The following ZNF610 variants were observed in gnomAD, a reference collection of about 807,000 sequenced individuals.
The protein encoded by ZNF610 is zink finger protein.
A neutral mutation model predicts 14.1 loss-of-function variants in ZNF610; 14 were observed. That is an observed-to-expected ratio of 0.99 (90% CI 0.65 to 1.55). ZNF610 has a LOEUF of 1.55. Ranked by LOEUF, ZNF610 falls within the 40% of genes most tolerant of loss-of-function variation. ZNF610 has a pLI of 0.00. For missense variants in ZNF610, 530 were observed against 558.0 expected (o/e 0.95, Z 0.51); for synonymous variants, 185 against 187.6 (o/e 0.99, Z 0.11).
upstream of ZNF610, among the ~76,000 whole-genome samples, chr19:52,334,959 A>ACACACACACACACACACACACACACAC (rs60779202): frequency 1.1e-4 from 16 of 146,728 alleles, no homozygotes; most frequent in South Asian, 4.3e-4. Context: ...ACACACACAC[A>ACACACACACACACACACACACACACAC]ATGTAATTTA....
chr19:52,352,516 GT>G (rs1216341701), intron 3 of ZNF610, among the ~76,000 whole-genome samples: 1 of 152,194 alleles, frequency 6.6e-6, no homozygotes, highest in Non-Finnish European at 1.5e-5. Flanking sequence ...GTGATTACAT[GT>G]GTGAGTCACC....
In ZNF610 at chr19:52,340,415, C is replaced by T. The variant is rs147717419; in HGVS notation, c.-258+3909C>T. On this transcript the variant is annotated intron_variant, in intron 1 of 5. Transcript: ENST00000403906. Reference sequence around the variant, plus strand: ...GGAAAACACACATTTTGGTGATGGGCGGCATAGTATTCTGTGCTGAATTTG... The same window carrying T: ...GGAAAACACACATTTTGGTGATGGGTGGCATAGTATTCTGTGCTGAATTTG... 1.5e-3 allele frequency among the ~76,000 whole-genome samples: 230 copies of T among 152,128 alleles called. 7 individuals are homozygous for T. The East Asian group carries it at 0.03, about 20-fold the overall frequency.
Position 52,361,574 on chromosome 19 carries a change from G to GTTTA in ZNF610, c.320-4122_320-4119dup, listed in dbSNP as rs202039035. 3.0e-3 allele frequency among the ~76,000 whole-genome samples: 449 copies of GTTTA among 151,520 alleles called. 11 individuals are homozygous for GTTTA. The East Asian group carries it at 0.073, about 24-fold the overall frequency. On this transcript the variant is annotated intron_variant, in intron 5 of 5. Coordinates refer to ENST00000403906, the MANE Select transcript of ZNF610 (RefSeq NM_001161425.2). ...GCTTACGCTTCATTTTTGTTTTGTTGTTTATCTAGCTAAGGGTTTGTCAAT... is the reference window on the plus strand; with the variant it reads ...GCTTACGCTTCATTTTTGTTTTGTTGTTTATTTATCTAGCTAAGGGTTTGTCAAT...
intron 3 of ZNF610, among the ~76,000 whole-genome samples, chr19:52,352,228 A>G (rs930569816): frequency 1.3e-5 from 2 of 151,250 alleles, no homozygotes; most frequent in African/African-American, 2.4e-5. Flanking sequence ...GAAGAAGGAA[A>G]CTTGTTTTCT....
chr19:52,361,005 A>C (rs186741213), intron 5 of ZNF610, among the ~76,000 whole-genome samples: 1 of 152,272 alleles, frequency 6.6e-6, no homozygotes, highest in African/African-American at 2.4e-5. Context: ...AGCGTTTTAC[A>C]GTGAAGTCAT....
chr19:52,342,180 T>C (rs1320539668), intron 1 of ZNF610, among the ~76,000 whole-genome samples: 1 of 152,186 alleles, frequency 6.6e-6, no homozygotes, highest in Non-Finnish European at 1.5e-5. Flanking sequence ...TGAGCTGAAG[T>C]GATTTTCCCA....
At chr19:52,362,226 C>G (rs1468308963) in intron 5 of ZNF610, among the ~76,000 whole-genome samples, 1 of 152,248 alleles carries the variant, frequency 6.6e-6, no homozygotes, top group Non-Finnish European at 1.5e-5. Flanking sequence ...GTCTGACCAA[C>G]ATGGTAAAAC....
chr19:52,355,584 C>T (rs1161416237), intron 5 of ZNF610, among the ~76,000 whole-genome samples: 7 of 152,238 alleles, frequency 4.6e-5, no homozygotes, highest in Non-Finnish European at 7.3e-5. Flanking sequence ...TCAGATCCCA[C>T]AGGCTAAGGG....
intron 3 of ZNF610, among the ~76,000 whole-genome samples, chr19:52,350,571 C>T (rs1985201821): frequency 6.6e-6 from 1 of 152,098 alleles, no homozygotes; most frequent in Non-Finnish European, 1.5e-5. Context: ...CCAGCTACCA[C>T]AGAGGCTGAG....
rs890842 is a variant in ZNF610 at position 52,337,709 on chromosome 19, C to G, written c.-258+1203C>G. ...CGATGAGTTGATGGACTATTATGATCAAATTGTGATATACTGATTTCTCTA... is the reference window on the plus strand; with the variant it reads ...CGATGAGTTGATGGACTATTATGATGAAATTGTGATATACTGATTTCTCTA... On this transcript the variant is annotated intron_variant, in intron 1 of 5. Transcript: ENST00000403906. 7.0e-4 allele frequency among the ~76,000 whole-genome samples: 106 copies of G among 152,150 alleles called. 3 individuals are homozygous for G. Among genetic ancestry groups the G allele is most frequent in the Admixed American group, 4.3e-3 (65 of 15,284 alleles).
At chr19:52,351,490 C>T (rs1035969995) in intron 3 of ZNF610, among the ~76,000 whole-genome samples, 5 of 150,642 alleles carry the variant, frequency 3.3e-5, no homozygotes, top group Admixed American at 6.6e-5. Context: ...AGTCACCTCT[C>T]TTTTTTTTTG....
chr19:52,353,146 G>A (rs1985341272), intron 3 of ZNF610, among the ~76,000 whole-genome samples: 1 of 152,086 alleles, frequency 6.6e-6, no homozygotes. Flanking sequence ...CACCATGTTG[G>A]CCAGGCTCGT....
intron 3 of ZNF610, among the ~76,000 whole-genome samples, chr19:52,350,773 G>A (rs1452136353): frequency 1.3e-5 from 2 of 152,186 alleles, no homozygotes; most frequent in African/African-American, 2.4e-5. Flanking sequence ...GGCCAAGGTG[G>A]GTGGATCACC....
chr19:52,359,464 G>A (rs2657938), intron 5 of ZNF610, among the ~76,000 whole-genome samples: 26,445 of 151,932 alleles, frequency 0.17, 2,710 homozygotes, highest in East Asian at 0.32. Context: ...CCATGGATAC[G>A]TAGGGCAGAC....
intron 5 of ZNF610, among the ~76,000 whole-genome samples, chr19:52,364,800 A>C (rs1373134689): frequency 6.6e-6 from 1 of 151,908 alleles, no homozygotes; most frequent in Non-Finnish European, 1.5e-5. Context: ...CTGGTCTTGA[A>C]CTTCTGACCT....
chr19:52,358,536 T>C (rs1291751888), intron 5 of ZNF610, among the ~76,000 whole-genome samples: 1 of 152,246 alleles, frequency 6.6e-6, no homozygotes, highest in Non-Finnish European at 1.5e-5. Context: ...AGGAGTTTTA[T>C]GTATTTTAGA....
At chr19:52,344,323 C>G (rs907822514) in intron 1 of ZNF610, among the ~76,000 whole-genome samples, 1 of 152,058 alleles carries the variant, frequency 6.6e-6, no homozygotes, top group African/African-American at 2.4e-5. Flanking sequence ...TCTGTGACCC[C>G]CCCATAGCCC....
rs1328737594 is a variant in ZNF610, at chr19:52,366,004, A to T, written c.626A>T (p.Asp209Val). ...TCTTATGAATATGAATGTAGTGAAG[A>T]TGGTGAAGTTTTTAGAGTCCGTGCA... ...GKSYEYECSE[D>V]GEVFRVRASL... The change falls in exon 6 of 6, where the codon GAT becomes GTT. Residue 209 changes from aspartate to valine, a missense_variant. Coordinates refer to ENST00000403906, the MANE Select transcript of ZNF610 (RefSeq NM_001161425.2). The T allele has an allele frequency of 1.2e-6, 2 of 1,614,062 alleles. No individual in the cohort carries two copies. The highest frequency in any genetic ancestry group is 3.3e-5 in the Admixed American group (2 of 60,000).
chr19:52,333,255 G>A (rs975116231), upstream of ZNF610, among the ~76,000 whole-genome samples: 2 of 152,226 alleles, frequency 1.3e-5, no homozygotes, highest in African/African-American at 4.8e-5. Context: ...CGCATTAGAA[G>A]CCGAAACTGC....
Sources: allele counts gnomAD v4.1 joint callset (sites outside exome capture counted in the v4.1 genomes callset), GRCh38; gene constraint gnomAD v4.1.1; transcripts MANE v1.5; gene names NCBI Gene and HGNC (gene_info 2026-07-23, HGNC 2026-07-21).